LRMDA: variants seen among roughly 807,000 people sequenced by gnomAD.
LRMDA encodes the protein leucine rich melanocyte differentiation associated.
In LRMDA, 18 loss-of-function variants were observed where a neutral mutation model predicts 29.8. That is an observed-to-expected ratio of 0.60 (90% CI 0.42 to 0.90). The LOEUF is 0.90. Among genes scored for constraint, LRMDA ranks in the 40% least tolerant of loss-of-function variants. The pLI is 0.00. For synonymous variants in LRMDA, 125 were observed against 109.4 expected, an observed-to-expected ratio of 1.14 and a Z score of -0.89; for missense variants, 273 against 273.9, an observed-to-expected ratio of 1.00 and a Z score of 0.02.
intron 2 of LRMDA, among the ~76,000 whole-genome samples, chr10:75,889,125 C>T (rs7093029): frequency 0.39 from 58,863 of 151,998 alleles, 13,253 homozygotes; most frequent in South Asian, 0.5. Flanking sequence ...AATCCCTGCT[C>T]CAAGGGTGTT....
intron 2 of LRMDA, among the ~76,000 whole-genome samples, chr10:75,929,381 A>G (rs1164598408): frequency 6.6e-6 from 1 of 152,188 alleles, no homozygotes; most frequent in Non-Finnish European, 1.5e-5. Flanking sequence ...ATTTGTGCAT[A>G]GAGAAGATGT....
At chr10:75,942,340 G>A (rs1450554231) in intron 2 of LRMDA, among the ~76,000 whole-genome samples, 1 of 152,164 alleles carries the variant, frequency 6.6e-6, no homozygotes, top group Non-Finnish European at 1.5e-5. Context: ...TGAACAAGGA[G>A]CTTGGGACCA....
At chr10:75,496,735 G>T (rs2132065508) in intron 2 of LRMDA, among the ~76,000 whole-genome samples, 1 of 152,236 alleles carries the variant, frequency 6.6e-6, no homozygotes, top group South Asian at 2.1e-4. Flanking sequence ...AGTTGAAGAG[G>T]ACTTCAAGCT....
At chr10:75,592,468 T>A (rs1305566741) in intron 2 of LRMDA, among the ~76,000 whole-genome samples, 1 of 152,154 alleles carries the variant, frequency 6.6e-6, no homozygotes, top group Non-Finnish European at 1.5e-5. Context: ...GCTTTCCTCC[T>A]CCACCGCGGA....
rs942391929 is a variant in LRMDA, at chr10:76,291,322, A to G, written c.517-33079A>G. ...ATCATCTGGGATATTGTGATGAACAATGTACATTTCATACACATGATGTCA... is the reference window on the plus strand; with the variant it reads ...ATCATCTGGGATATTGTGATGAACAGTGTACATTTCATACACATGATGTCA... On this transcript the variant is annotated intron_variant, in intron 5 of 6. Coordinates refer to ENST00000611255, the MANE Select transcript of LRMDA (RefSeq NM_001305581.2). 9.8e-5 allele frequency among the ~76,000 whole-genome samples: 15 copies of G among 152,308 alleles called. 1 individual carries two copies. Among genetic ancestry groups the G allele is most frequent in the African/African-American group, 3.6e-4 (15 of 41,564 alleles).
chr10:76,551,941 G>C (rs1322806895), intron 6 of LRMDA, among the ~76,000 whole-genome samples: 1 of 152,116 alleles, frequency 6.6e-6, no homozygotes, highest in Non-Finnish European at 1.5e-5. Context: ...GGAGTTCTGT[G>C]GGGGAACCCT....
chr10:76,219,849 T>C (rs1301362962), intron 5 of LRMDA, among the ~76,000 whole-genome samples: 1 of 152,080 alleles, frequency 6.6e-6, no homozygotes, highest in Non-Finnish European at 1.5e-5. Flanking sequence ...TATTCCAAAA[T>C]TGACCACATA....
chr10:76,226,836 C>T (rs180744757), intron 5 of LRMDA, among the ~76,000 whole-genome samples: 1 of 152,270 alleles, frequency 6.6e-6, no homozygotes, highest in East Asian at 1.9e-4. Flanking sequence ...GCATCTTGTA[C>T]AGCATGCAGA....
intron 2 of LRMDA, among the ~76,000 whole-genome samples, chr10:75,964,806 C>T (rs1368273368): frequency 1.3e-5 from 2 of 152,164 alleles, no homozygotes; most frequent in East Asian, 3.8e-4. Flanking sequence ...CTCACTCTGT[C>T]ACCCAGGCCG....
Position 75,782,868 on chromosome 10 carries a change from C to T in LRMDA, c.132-253140C>T, listed in dbSNP as rs1373583865. On this transcript the variant is annotated intron_variant, in intron 2 of 6. Transcript: ENST00000611255. ...TAGTTTTATTCTTTTTCCCTTGCCC[C>T]CAAAGCCGTGGAGTACCTGCTGTTG... 3.2e-6 allele frequency: 5 copies of T among 1,573,296 alleles called. No homozygotes were observed. In the African/African-American group the frequency reaches 6.8e-5, roughly 21 times the overall value.
At chr10:76,082,333 T>G (rs1295044253) in intron 5 of LRMDA, among the ~76,000 whole-genome samples, 1 of 152,140 alleles carries the variant, frequency 6.6e-6, no homozygotes, top group Non-Finnish European at 1.5e-5. Flanking sequence ...TGCCTGTCAC[T>G]TTGGGGTGAG....
At chr10:75,997,437 A>G (rs570366398) in intron 2 of LRMDA, among the ~76,000 whole-genome samples, 7 of 151,614 alleles carry the variant, frequency 4.6e-5, no homozygotes, top group Admixed American at 4.6e-4. Context: ...TCTACTCGGT[A>G]TCATGAAGTA....
intron 2 of LRMDA, among the ~76,000 whole-genome samples, chr10:75,968,449 G>A (rs1846905984): frequency 6.6e-6 from 1 of 152,168 alleles, no homozygotes; most frequent in Non-Finnish European, 1.5e-5. Context: ...CATGAGAGGA[G>A]GTTCTACTAA....
intron 2 of LRMDA, among the ~76,000 whole-genome samples, chr10:75,503,416 T>C (rs780821265): frequency 6.6e-6 from 1 of 151,814 alleles, no homozygotes; most frequent in Non-Finnish European, 1.5e-5. Context: ...AATATGGGGA[T>C]TCAAATGACA....
chr10:75,507,705 A>C (rs1276014913), intron 2 of LRMDA, among the ~76,000 whole-genome samples: 4 of 152,242 alleles, frequency 2.6e-5, no homozygotes, highest in Admixed American at 2.6e-4. Context: ...AATCACAAAC[A>C]GAATAGCTCT....
chr10:75,893,491 C>G (rs1052514547), intron 2 of LRMDA, among the ~76,000 whole-genome samples: 1 of 152,176 alleles, frequency 6.6e-6, no homozygotes, highest in East Asian at 1.9e-4. Flanking sequence ...CAGAATAATG[C>G]TTAGTATTAG....
chr10:76,316,523 C>T (rs1396475680), intron 5 of LRMDA, among the ~76,000 whole-genome samples: 1 of 152,136 alleles, frequency 6.6e-6, no homozygotes, highest in Non-Finnish European at 1.5e-5. Flanking sequence ...GGAATGAGCC[C>T]AGTGAGGCTA....
chr10:75,626,561 T>G (rs574778292), intron 2 of LRMDA, among the ~76,000 whole-genome samples: 1 of 152,210 alleles, frequency 6.6e-6, no homozygotes, highest in African/African-American at 2.4e-5. Context: ...TTGGAGAGTG[T>G]TTAAGGAATA....
At chr10:76,366,558 G>A (rs1841393807) in intron 6 of LRMDA, among the ~76,000 whole-genome samples, 1 of 152,150 alleles carries the variant, frequency 6.6e-6, no homozygotes, top group African/African-American at 2.4e-5. Context: ...TGGCTTGCTT[G>A]CTGTTGGTGT....
Sources: allele counts gnomAD v4.1 joint callset (sites outside exome capture counted in the v4.1 genomes callset), GRCh38; gene constraint gnomAD v4.1.1; transcripts MANE v1.5; gene names NCBI Gene and HGNC (gene_info 2026-07-23, HGNC 2026-07-21).